Variants in CFAP52 observed in about 807,000 individuals in gnomAD.
CFAP52 encodes cilia- and flagella-associated protein 52.
In CFAP52, 57 loss-of-function variants were observed where a neutral mutation model predicts 70.5. The ratio of observed to expected loss-of-function variants is 0.81; its 90% confidence interval spans 0.65 to 1.01. The LOEUF is 1.01. CFAP52 is among the 50% of genes least tolerant of loss of function. The pLI, the probability that CFAP52 is intolerant of heterozygous loss-of-function variation, is 0.00. For synonymous variants in CFAP52, 267 were observed against 292.5 expected (o/e 0.91, Z 0.89); for missense variants, 785 against 788.5 (o/e 1.00, Z 0.05).
At chr17:9,587,247 A>G (rs1391694602) in intron 3 of CFAP52, among the ~76,000 whole-genome samples, 1 of 152,120 alleles carries the variant, frequency 6.6e-6, no homozygotes, top group East Asian at 1.9e-4. Flanking sequence ...TATGTACCAC[A>G]TTTTCTTTAT....
intron 12 of CFAP52, among the ~76,000 whole-genome samples, chr17:9,641,089 C>T (rs1027604760): frequency 6.6e-6 from 1 of 152,172 alleles, no homozygotes; most frequent in African/African-American, 2.4e-5. Context: ...GTTTAAGGTA[C>T]AAAGGCAGTA....
intron 10 of CFAP52, among the ~76,000 whole-genome samples, chr17:9,634,678 T>C (rs930536939): frequency 6.6e-6 from 1 of 151,296 alleles, no homozygotes; most frequent in Non-Finnish European, 1.5e-5. Flanking sequence ...ACAGGAGAAT[T>C]GCTTGAATCC....
chr17:9,594,477 T>G, intron 4 of CFAP52, 156 bp downstream of exon 4: 3 of 888,034 alleles, frequency 3.4e-6, no homozygotes, highest in Middle Eastern at 4.1e-4. Context: ...AAAAGTTCTC[T>G]TCACTGGAAG....
At chr17:9,610,595 C>T (rs547278556) in intron 7 of CFAP52, among the ~76,000 whole-genome samples, 25 of 151,930 alleles carry the variant, frequency 1.6e-4, no homozygotes, top group Non-Finnish European at 2.2e-4. Context: ...AGTGCAATGA[C>T]GCCATCTTGG....
chr17:9,591,544 C>T (rs34162768), intron 3 of CFAP52, among the ~76,000 whole-genome samples: 16,995 of 152,192 alleles, frequency 0.11, 1,258 homozygotes, highest in Middle Eastern at 0.18. Context: ...TTGGCCAGAT[C>T]TCTATGTTGT....
intron 7 of CFAP52, 117 bp downstream of exon 7, chr17:9,608,336 T>C (rs1909584612): frequency 3.6e-6 from 3 of 824,278 alleles, no homozygotes; most frequent in East Asian, 5.7e-5. Flanking sequence ...AATTTCATCT[T>C]GCTGTTAGAA....
intron 13 of CFAP52, 123 bp from the exon 14 acceptor site, chr17:9,642,899 TA>T: frequency 1.3e-6 from 1 of 799,992 alleles, no homozygotes; most frequent in Non-Finnish European, 1.8e-6. Flanking sequence ...TATAATCAAG[TA>T]AAAGTGTTAT....
intron 8 of CFAP52, among the ~76,000 whole-genome samples, chr17:9,626,229 A>C (rs1910228627): frequency 6.6e-6 from 1 of 152,166 alleles, no homozygotes; most frequent in African/African-American, 2.4e-5. Context: ...AGAGTTTGGA[A>C]GAAAGTTCTT....
chr17:9,586,313 C>T (rs1045779392), intron 2 of CFAP52, among the ~76,000 whole-genome samples: 1 of 152,070 alleles, frequency 6.6e-6, no homozygotes, highest in Non-Finnish European at 1.5e-5. Context: ...CCTGTAATCC[C>T]AGCACTTTGG....
intron 11 of CFAP52, among the ~76,000 whole-genome samples, chr17:9,635,999 C>T (rs2654722): frequency 0.23 from 34,663 of 151,502 alleles, 4,875 homozygotes; most frequent in East Asian, 0.42. Context: ...ATGGTGAAAC[C>T]CCTTCTCTAC....
At chr17:9,595,869 C>A (rs1379238356) in intron 4 of CFAP52, among the ~76,000 whole-genome samples, 1 of 149,950 alleles carries the variant, frequency 6.7e-6, no homozygotes, top group African/African-American at 2.5e-5. Context: ...TAACATCTAC[C>A]AGGAAGACCA....
At chr17:9,598,030 C>T (rs1035161158) in intron 4 of CFAP52, among the ~76,000 whole-genome samples, 4 of 152,020 alleles carry the variant, frequency 2.6e-5, no homozygotes, top group Admixed American at 6.6e-5. Flanking sequence ...GTTCAAGCTC[C>T]GCACTTTCTA....
At chr17:9,632,709 GT>G (rs1265337048) in intron 9 of CFAP52, among the ~76,000 whole-genome samples, 178 bp from the exon 10 acceptor site, 1 of 147,632 alleles carries the variant, frequency 6.8e-6, no homozygotes, top group Non-Finnish European at 1.5e-5. Context: ...AACTGGATGG[GT>G]GGTGGCAACC....
In CFAP52 at chr17:9,628,838, A is replaced by G; in HGVS notation, c.1174+18A>G. On this transcript the variant is annotated intron_variant, in intron 9 of 13. Coordinates refer to ENST00000352665, the MANE Select transcript of CFAP52 (RefSeq NM_145054.5). The stretch of plus-strand genomic sequence containing the variant: ...CATTTCAGGTAACGTCCACATGTCA[A>G]GATCTGGCTTGGGGCTCTAGCTGCG... The G allele has an allele frequency of 6.2e-7, 1 of 1,613,778 alleles. No individual in the cohort carries two copies. The highest frequency in any genetic ancestry group is 8.5e-7 in the Non-Finnish European group (1 of 1,179,812).
chr17:9,634,801 C>T (rs1910703484), intron 10 of CFAP52, among the ~76,000 whole-genome samples: 1 of 152,058 alleles, frequency 6.6e-6, no homozygotes, highest in Admixed American at 6.6e-5. Flanking sequence ...AAACAACTTC[C>T]CTTTTATCTA....
At position 9,628,670 on chromosome 17, in the gene CFAP52, A is replaced by G. The variant is rs1452627947; in HGVS notation, c.1026-2A>G. ...TTGCATCTCTTGATGGCTTCCTTGC[A>G]GTGGCACTGCTGAGCTATTTGCAAC... On this transcript the variant is annotated splice_acceptor_variant, in intron 8 of 13. Coordinates refer to ENST00000352665, the MANE Select transcript of CFAP52 (RefSeq NM_145054.5). LOFTEE classifies it high-confidence loss of function. 1 of 1,612,308 alleles carries G rather than the reference A, an allele frequency of 6.2e-7. No homozygotes were observed. The highest frequency in any genetic ancestry group is 8.5e-7 in the Non-Finnish European group (1 of 1,178,496).
In CFAP52 at chr17:9,608,196, A is replaced by G; in HGVS notation, c.831A>G (p.Lys277=). ...GAGCCGGACTGCTGGTCTTCTGTAA[A>G]AGCCCTGGCTACAAACCCATCAAGT... ...GSGAGLLVFC[K]SPGYKPIKKI... Residue 277 remains lysine, a synonymous_variant, in exon 7 of 14, where the codon AAA becomes AAG. Coordinates refer to ENST00000352665, the MANE Select transcript of CFAP52 (RefSeq NM_145054.5). 3 of 1,610,838 alleles carry G rather than the reference A, an allele frequency of 1.9e-6. No individual in the cohort carries two copies. The highest frequency in any genetic ancestry group is 2.5e-6 in the Non-Finnish European group (3 of 1,178,130).
At chr17:9,629,568 ATG>A (rs1910376931) in intron 9 of CFAP52, among the ~76,000 whole-genome samples, 6 of 102,008 alleles carry the variant, frequency 5.9e-5, no homozygotes, top group African/African-American at 2.4e-4. Flanking sequence ...TTTTTCTCAG[ATG>A]GAGTTTCACT....
intron 1 of CFAP52, among the ~76,000 whole-genome samples, chr17:9,577,793 T>A (rs943964239): frequency 1.3e-5 from 2 of 152,142 alleles, no homozygotes; most frequent in African/African-American, 4.8e-5. Flanking sequence ...ACCACACACA[T>A]AGAACTCTGC....
Sources: allele counts gnomAD v4.1 joint callset (sites outside exome capture counted in the v4.1 genomes callset), GRCh38; gene constraint gnomAD v4.1.1; transcripts MANE v1.5; gene names NCBI Gene and HGNC (gene_info 2026-07-23, HGNC 2026-07-21).